Variants in JADE3 observed in about 807,000 individuals in gnomAD.
JADE3 encodes protein Jade-3.
In JADE3, 2 loss-of-function variants were observed where a neutral mutation model predicts 50.1. That is an observed-to-expected ratio of 0.04 (90% CI 0.02 to 0.13). JADE3 has a LOEUF of 0.13. Among genes scored for constraint, JADE3 ranks in the 10% least tolerant of loss-of-function variants. The probability of loss-of-function intolerance (pLI) is 1.00; values close to 1 mark genes in which losing one functional copy is unlikely to be tolerated. For missense variants in JADE3, 475 were observed against 634.4 expected (o/e 0.75, Z 2.70); for synonymous variants, 218 against 232.9 (o/e 0.94, Z 0.58).
intron 1 of JADE3, among the ~76,000 whole-genome samples, chrX:46,945,011 A>ATTT (rs60937622): frequency 1.0e-5 from 1 of 97,179 alleles, no homozygotes; most frequent in Admixed American, 1.1e-4. Flanking sequence ...ACCTGGCTGA[A>ATTT]TTTTTTTTTT....
At chrX:47,029,144 A>G (rs1329027048) in intron 6 of JADE3, among the ~76,000 whole-genome samples, 2 of 111,797 alleles carry the variant, frequency 1.8e-5, no homozygotes, top group Admixed American at 9.6e-5. Flanking sequence ...AAATATAAGG[A>G]AACTGCCAAT....
At chrX:47,028,720 A>G (rs1226442114) in intron 6 of JADE3, among the ~76,000 whole-genome samples, 1 of 111,268 alleles carries the variant, frequency 9.0e-6, no homozygotes, top group Non-Finnish European at 1.9e-5. Context: ...TTTTTAATTA[A>G]TAATGATGAT....
intron 1 of JADE3, among the ~76,000 whole-genome samples, chrX:46,933,977 TTTC>T (rs1156338848): frequency 8.9e-6 from 1 of 111,780 alleles, no homozygotes; most frequent in Non-Finnish European, 1.9e-5. Flanking sequence ...TGTTCAAGTG[TTTC>T]TTATTTAAGT....
At position 46,935,444 on chromosome X, in the gene JADE3, T is replaced by G. The variant is rs187670904; in HGVS notation, c.-12+22725T>G. Among the ~76,000 whole-genome samples the G allele has an allele frequency of 3.8e-4, 42 of 110,942 alleles. 1 individual carries two copies. The highest frequency in any genetic ancestry group is 1.3e-3 in the African/African-American group (39 of 30,375). ...AAAATAGGCTGTGGACTCTTACCAG[T>G]CTGTGGCCTGTTAGGAACCAGGCCA... On this transcript the variant is annotated intron_variant, in intron 1 of 10. Transcript: ENST00000614628.
At chrX:47,008,809 G>C (rs1485722792) in intron 4 of JADE3, among the ~76,000 whole-genome samples, 1 of 111,159 alleles carries the variant, frequency 9.0e-6, no homozygotes, top group East Asian at 2.8e-4. Flanking sequence ...TTTTGGGGGT[G>C]ATGGACACAT....
intron 1 of JADE3, among the ~76,000 whole-genome samples, chrX:46,933,672 G>T (rs1178444866): frequency 9.0e-6 from 1 of 111,531 alleles, no homozygotes; most frequent in Non-Finnish European, 1.9e-5. Context: ...AAAATACCAG[G>T]GAGGATGAGG....
At chrX:46,998,670 TTTTA>T (rs1245937125) in intron 4 of JADE3, among the ~76,000 whole-genome samples, 11 of 110,255 alleles carry the variant, frequency 1.0e-4, no homozygotes, top group African/African-American at 2.3e-4. Context: ...CCTGAGTCTG[TTTTA>T]TTTATTTATT....
chrX:47,024,230 T>TA (rs1928858666), intron 4 of JADE3, among the ~76,000 whole-genome samples: 1 of 112,154 alleles, frequency 8.9e-6, no homozygotes, highest in African/African-American at 3.2e-5. Flanking sequence ...ACGCCAGTAA[T>TA]CCCAACACTT....
chrX:46,941,739 T>G (rs1277730421), intron 1 of JADE3, among the ~76,000 whole-genome samples: 7 of 105,623 alleles, frequency 6.6e-5, no homozygotes, highest in Non-Finnish European at 1.2e-4. Flanking sequence ...TGCCCACATT[T>G]TTTTTTTTTT....
At chrX:46,947,895 C>T (rs1482907724) in intron 1 of JADE3, among the ~76,000 whole-genome samples, 1 of 111,039 alleles carries the variant, frequency 9.0e-6, no homozygotes, top group Non-Finnish European at 1.9e-5. Flanking sequence ...TCCTTTCTTC[C>T]TCTGTTATAC....
At chrX:47,043,911 G>A (rs1232080322) in intron 8 of JADE3, among the ~76,000 whole-genome samples, 1 of 110,502 alleles carries the variant, frequency 9.0e-6, no homozygotes, top group Non-Finnish European at 1.9e-5. Flanking sequence ...GAATACATCA[G>A]AGTCTCTTAA....
rs371863319 is a variant in JADE3 at position 46,975,241 on chromosome X, G to C, written c.-11-9643G>C. Among the ~76,000 whole-genome samples the C allele has an allele frequency of 9.8e-5, 11 of 112,409 alleles. No homozygotes were observed. The East Asian group carries it at 3.1e-3, about 31-fold the overall frequency. The stretch of plus-strand genomic sequence containing the variant: ...AATGACAGTGATGGCCACTTTTATA[G>C]TTTCAATGTTTCAAGTCAGCTGAAT... On this transcript the variant is annotated intron_variant, in intron 1 of 10. Coordinates refer to ENST00000614628, the MANE Select transcript of JADE3 (RefSeq NM_014735.5).
At chrX:47,006,464 T>G (rs1370900390) in intron 4 of JADE3, among the ~76,000 whole-genome samples, 1 of 104,598 alleles carries the variant, frequency 9.6e-6, no homozygotes, top group Admixed American at 1.0e-4. Flanking sequence ...TTGTAGTTTT[T>G]TTTTTTTTTT....
intron 4 of JADE3, among the ~76,000 whole-genome samples, chrX:47,001,335 A>G (rs1556359007): frequency 9.0e-6 from 1 of 111,687 alleles, no homozygotes; most frequent in Non-Finnish European, 1.9e-5. Flanking sequence ...TTGCATTTCT[A>G]ACAACTCCTG....
intron 8 of JADE3, among the ~76,000 whole-genome samples, chrX:47,051,962 C>T (rs1241517567): frequency 9.1e-6 from 1 of 110,182 alleles, no homozygotes; most frequent in Non-Finnish European, 1.9e-5. Flanking sequence ...GACTTGGTGG[C>T]GCACGCCTAT....
chrX:46,929,080 C>T lies in JADE3; in HGVS notation c.-12+16361C>T, dbSNP rs781867173. Among the ~76,000 whole-genome samples, 4 of 111,996 alleles carry T rather than the reference C, an allele frequency of 3.6e-5. No homozygotes were observed. In the East Asian group the frequency reaches 1.1e-3, roughly 31 times the overall value. On this transcript the variant is annotated intron_variant, in intron 1 of 10. Coordinates refer to ENST00000614628, the MANE Select transcript of JADE3 (RefSeq NM_014735.5). ...AAGTATGGCTTCAGAGTGTAGATTG[C>T]AGACAGCTCTTCCCTGGCTCCAGTT...
intron 4 of JADE3, among the ~76,000 whole-genome samples, chrX:47,017,803 C>G (rs1928707334): frequency 9.0e-6 from 1 of 111,724 alleles, no homozygotes; most frequent in African/African-American, 3.3e-5. Context: ...TCAGTGCTTT[C>G]TTTACTAAAC....
intron 4 of JADE3, among the ~76,000 whole-genome samples, chrX:47,006,279 C>T (rs1928416835): frequency 9.1e-6 from 1 of 109,333 alleles, no homozygotes; most frequent in South Asian, 3.9e-4. Flanking sequence ...ACAGAACACT[C>T]TTCTTATTTT....
intron 1 of JADE3, among the ~76,000 whole-genome samples, chrX:46,940,189 T>G (rs781984566): frequency 8.9e-6 from 1 of 112,737 alleles, no homozygotes; most frequent in South Asian, 3.6e-4. Flanking sequence ...CTTTACTCTT[T>G]GAATAAGTAT....
Sources: allele counts gnomAD v4.1 joint callset (sites outside exome capture counted in the v4.1 genomes callset), GRCh38; gene constraint gnomAD v4.1.1; transcripts MANE v1.5; gene names NCBI Gene and HGNC (gene_info 2026-07-23, HGNC 2026-07-21).